The following ZC2HC1A variants were observed in gnomAD, a reference collection of about 807,000 sequenced individuals.
The protein encoded by ZC2HC1A is zinc finger C2HC domain-containing protein 1A.
A neutral mutation model predicts 40.7 loss-of-function variants in ZC2HC1A; 28 were observed. The observed-to-expected ratio is 0.69, with a 90% CI of 0.51 to 0.94. ZC2HC1A has a LOEUF of 0.94. Ranked by LOEUF, ZC2HC1A falls within the 40% of genes least tolerant of loss-of-function variation. The pLI, the probability that ZC2HC1A is intolerant of heterozygous loss-of-function variation, is 0.00. For missense variants in ZC2HC1A, 389 were observed against 386.3 expected (o/e 1.01, Z -0.06); for synonymous variants, 129 against 129.2 (o/e 1.00, Z 0.01).
intron 3 of ZC2HC1A, among the ~76,000 whole-genome samples, chr8:78,679,994 C>T (rs1347245882): frequency 6.6e-6 from 1 of 152,048 alleles, no homozygotes; most frequent in Non-Finnish European, 1.5e-5. Flanking sequence ...AAAATTGGCT[C>T]AAGAGTCAGA....
rs752417374 is a variant in ZC2HC1A at position 78,717,368 on chromosome 8, A to T, written c.853A>T (p.Ile285Phe). 1.2e-6 allele frequency: 2 copies of T among 1,613,610 alleles called. No homozygotes were observed. Among genetic ancestry groups the T allele is most frequent in the Non-Finnish European group, 1.7e-6 (2 of 1,179,846 alleles). The change falls in exon 9 of 9, where the codon ATT becomes TTT. Residue 285 changes from isoleucine to phenylalanine, a missense_variant. Coordinates refer to ENST00000263849, the MANE Select transcript of ZC2HC1A (RefSeq NM_016010.3). The part of the protein sequence containing the change: ...DCASSLNGGN[I>F]KGIEGHSPGN... ...TGCATCTTCCCTTAATGGTGGAAATATTAAAGGCATTGAAGGACATTCACC... is the reference window on the plus strand; with the variant it reads ...TGCATCTTCCCTTAATGGTGGAAATTTTAAAGGCATTGAAGGACATTCACC...
chr8:78,676,227 A>C (rs1320503574), intron 2 of ZC2HC1A: 1 of 156,368 alleles, frequency 6.4e-6, no homozygotes, highest in Non-Finnish European at 1.4e-5. Context: ...TTCAGGAAAA[A>C]ATCAGGGATA....
chr8:78,678,509 G>T (rs1809658174), intron 2 of ZC2HC1A, 54 bp from the exon 3 acceptor site: 8 of 1,425,092 alleles, frequency 5.6e-6, no homozygotes, highest in Admixed American at 2.0e-5. Flanking sequence ...AAGTTCTGTA[G>T]TCTTACCTTC....
chr8:78,699,534 G>A (rs993841845), intron 7 of ZC2HC1A, among the ~76,000 whole-genome samples: 2 of 151,982 alleles, frequency 1.3e-5, no homozygotes, highest in African/African-American at 4.8e-5. Context: ...TTGTGTCATA[G>A]GGAGTTTGTT....
chr8:78,715,126 C>T (rs1370456267), intron 7 of ZC2HC1A, 95 bp from the exon 8 acceptor site: 25 of 1,062,582 alleles, frequency 2.4e-5, no homozygotes, highest in Non-Finnish European at 3.1e-5. Flanking sequence ...TTCTCTGAAG[C>T]TTCTAAGTAT....
At chr8:78,672,945 C>T (rs564361032) in intron 1 of ZC2HC1A, among the ~76,000 whole-genome samples, 21 of 151,942 alleles carry the variant, frequency 1.4e-4, no homozygotes, top group Middle Eastern at 3.4e-3. Flanking sequence ...ATGTGCAGAA[C>T]GTGCAGGCTT....
chr8:78,689,125 C>A, intron 4 of ZC2HC1A, 97 bp from the exon 5 acceptor site: 1 of 887,102 alleles, frequency 1.1e-6, no homozygotes, highest in Non-Finnish European at 1.5e-6. Flanking sequence ...GATGTTATTA[C>A]TTATATTTTT....
chr8:78,710,879 T>C (rs1810929894), intron 7 of ZC2HC1A, among the ~76,000 whole-genome samples: 1 of 152,138 alleles, frequency 6.6e-6, no homozygotes, highest in Non-Finnish European at 1.5e-5. Flanking sequence ...ACAAAATGCC[T>C]GCTATGTATA....
In ZC2HC1A at chr8:78,718,864, T is replaced by G. The variant is rs1011303934; in HGVS notation, c.*1371T>G. On this transcript the variant is annotated 3_prime_UTR_variant, in exon 9 of 9. Transcript: ENST00000263849. ...GGTACAAACAAATCTCTTATATAAT[T>G]CCTAGCTTTTTTTTTTGTTTATGAT... 6.6e-6 allele frequency: 1 copy of G among 151,598 alleles called. No individual in the cohort carries two copies. The highest frequency in any genetic ancestry group is 6.6e-5 in the Admixed American group (1 of 15,242). 9.4% of individuals were successfully genotyped at this position (151,598 alleles called of 1,614,324 possible).
At position 78,666,135 on chromosome 8, in the gene ZC2HC1A, G is replaced by C; in HGVS notation, c.-14G>C. 14 of 1,569,378 alleles carry C rather than the reference G, an allele frequency of 8.9e-6. No homozygotes were observed. Among genetic ancestry groups the C allele is most frequent in the Non-Finnish European group, 1.2e-5 (14 of 1,157,286 alleles). On this transcript the variant is annotated 5_prime_UTR_variant, in exon 1 of 9. Transcript: ENST00000263849. ...CTGCTGAAGGAGTCTCGCTGAGCTCGAGGAGGTGGCGCGATGGAGGGACTG... is the reference window on the plus strand; with the variant it reads ...CTGCTGAAGGAGTCTCGCTGAGCTCCAGGAGGTGGCGCGATGGAGGGACTG...
At chr8:78,676,478 G>A (rs964416904) in intron 2 of ZC2HC1A, among the ~76,000 whole-genome samples, 6 of 151,820 alleles carry the variant, frequency 4.0e-5, no homozygotes, top group Non-Finnish European at 5.9e-5. Context: ...TAACTAAATA[G>A]GGAATAATAA....
chr8:78,691,702 G>A (rs6981103), intron 5 of ZC2HC1A, among the ~76,000 whole-genome samples: 118,426 of 151,872 alleles, frequency 0.78, 46,549 homozygotes, highest in East Asian at 0.91. Context: ...CTTTCTAGCT[G>A]TAATTCTTTG....
At chr8:78,692,798 C>T (rs567943068) in intron 5 of ZC2HC1A, among the ~76,000 whole-genome samples, 19 of 152,058 alleles carry the variant, frequency 1.2e-4, no homozygotes, top group Non-Finnish European at 2.1e-4. Flanking sequence ...TTGTTACATA[C>T]GTGTACATAT....
chr8:78,704,969 A>G (rs1049117160), intron 7 of ZC2HC1A, among the ~76,000 whole-genome samples: 1 of 152,170 alleles, frequency 6.6e-6, no homozygotes, highest in African/African-American at 2.4e-5. Context: ...GTTCTTCTCT[A>G]TACTGGCTAT....
At chr8:78,667,199 A>G (rs748934485) in intron 1 of ZC2HC1A, among the ~76,000 whole-genome samples, 28 of 152,312 alleles carry the variant, frequency 1.8e-4, no homozygotes, top group Non-Finnish European at 3.7e-4. Flanking sequence ...TCAGTCACCT[A>G]TTCACCAAAA....
Position 78,715,219 on chromosome 8 carries a change from A to G in ZC2HC1A, c.705-2A>G, listed in dbSNP as rs893826313. 6.2e-7 allele frequency: 1 copy of G among 1,611,410 alleles called. No homozygotes were observed. The highest frequency in any genetic ancestry group is 8.5e-7 in the Non-Finnish European group (1 of 1,179,114). The stretch of plus-strand genomic sequence containing the variant: ...TTCCATTATTTTTCCTCTTTTTTAT[A>G]GAGCTAATGTCAAACCCCGAAATTC... On this transcript the variant is annotated splice_acceptor_variant, in intron 7 of 8. Coordinates refer to ENST00000263849, the MANE Select transcript of ZC2HC1A (RefSeq NM_016010.3). LOFTEE classifies it high-confidence loss of function.
chr8:78,710,151 C>T (rs944425553), intron 7 of ZC2HC1A, among the ~76,000 whole-genome samples: 8 of 152,056 alleles, frequency 5.3e-5, no homozygotes, highest in African/African-American at 1.9e-4. Context: ...TGTATAAAAT[C>T]TTGATTGTTA....
chr8:78,684,839 T>C (rs2130476907), intron 3 of ZC2HC1A, among the ~76,000 whole-genome samples: 1 of 152,210 alleles, frequency 6.6e-6, no homozygotes, highest in South Asian at 2.1e-4. Context: ...AAAATACTAC[T>C]GAAAGATAAA....
chr8:78,712,912 A>G (rs1212204119), intron 7 of ZC2HC1A, among the ~76,000 whole-genome samples: 1 of 152,190 alleles, frequency 6.6e-6, no homozygotes, highest in Non-Finnish European at 1.5e-5. Context: ...GAAAAGTAAT[A>G]ATAAATTTAA....
Sources: allele counts gnomAD v4.1 joint callset (sites outside exome capture counted in the v4.1 genomes callset), GRCh38; gene constraint gnomAD v4.1.1; transcripts MANE v1.5; gene names NCBI Gene and HGNC (gene_info 2026-07-23, HGNC 2026-07-21).